Variants in UNC13C observed in about 807,000 individuals in gnomAD.
UNC13C encodes protein unc-13 homolog C.
UNC13C carries 174 observed loss-of-function variants against 245.4 expected under a neutral mutation model. That is an observed-to-expected ratio of 0.71 (90% confidence interval 0.63 to 0.80). The LOEUF is 0.80. UNC13C is among the 30% of genes least tolerant of loss of function. The probability of loss-of-function intolerance (pLI) is 0.00; values close to 1 mark genes in which losing one functional copy is unlikely to be tolerated. For missense variants in UNC13C, 2,829 were observed against 2,602.9 expected (o/e 1.09, Z -1.89); for synonymous variants, 992 against 895.1 (o/e 1.11, Z -1.93).
intron 4 of UNC13C, among the ~76,000 whole-genome samples, chr15:54,186,647 A>T (rs567756370): frequency 6.6e-6 from 1 of 152,016 alleles, no homozygotes; most frequent in African/African-American, 2.4e-5. Context: ...GAAATATTTA[A>T]TTATGAATTG....
rs373472827 is a variant in UNC13C, at chr15:54,599,867, C to A, written c.6107-22460C>A. Among the ~76,000 whole-genome samples, 3 of 152,194 alleles carry A rather than the reference C, an allele frequency of 2.0e-5. No individual in the cohort carries two copies. In the East Asian group the frequency reaches 5.8e-4, roughly 29 times the overall value. On this transcript the variant is annotated intron_variant, in intron 30 of 32. Transcript: ENST00000260323. ...AATAGTTAATGGTCTCCTCACTCTT[C>A]TTTCTCTCGCACCTCTTCCTAACCA...
intron 2 of UNC13C, among the ~76,000 whole-genome samples, chr15:54,114,337 G>T (rs1350365856): frequency 5.3e-5 from 8 of 152,012 alleles, no homozygotes; most frequent in African/African-American, 1.7e-4. Context: ...TTCCTTAGGG[G>T]CAATCACTAT....
chr15:53,875,520 C>G, the UNC13C span, among the ~76,000 whole-genome samples: 1 of 152,018 alleles, frequency 6.6e-6, no homozygotes, highest in Non-Finnish European at 1.5e-5. Context: ...CATATTAGAT[C>G]AGGGGTGAAG....
At chr15:54,182,507 G>C (rs1350803410) in intron 4 of UNC13C, among the ~76,000 whole-genome samples, 1 of 152,002 alleles carries the variant, frequency 6.6e-6, no homozygotes, top group Non-Finnish European at 1.5e-5. Context: ...TTTGGTATCA[G>C]GGTGATGCTG....
chr15:54,051,678 A>T, intron 2 of UNC13C, among the ~76,000 whole-genome samples: 1 of 150,554 alleles, frequency 6.6e-6, no homozygotes. Context: ...TAATCAGGTG[A>T]ATTTATCTGC....
At chr15:54,443,722 T>A (rs1189604172) in intron 19 of UNC13C, among the ~76,000 whole-genome samples, 1 of 152,058 alleles carries the variant, frequency 6.6e-6, no homozygotes, top group Non-Finnish European at 1.5e-5. Context: ...TTCCAATAGG[T>A]CCTCTTTGTA....
chr15:54,014,821 C>A lies in UNC13C; in HGVS notation c.1918C>A (p.Arg640=). Residue 640 remains arginine (R), a synonymous_variant, in exon 2 of 33, where the codon CGG becomes AGG. Transcript: ENST00000260323. ...SNGMVCASGD[R]SHYSDSQLSL... ...TGGCATGGTGTGTGCATCTGGAGAC[C>A]GGAGTCATTACAGTGATTCTCAGCT... 1.9e-6 allele frequency: 3 copies of A among 1,613,764 alleles called. No homozygotes were observed. Among genetic ancestry groups the A allele is most frequent in the Non-Finnish European group, 2.5e-6 (3 of 1,179,806 alleles).
At chr15:54,056,000 A>G (rs1311992719) in intron 2 of UNC13C, among the ~76,000 whole-genome samples, 1 of 152,132 alleles carries the variant, frequency 6.6e-6, no homozygotes, top group Non-Finnish European at 1.5e-5. Context: ...GATTTCTCTG[A>G]TTACAAGAGC....
At chr15:54,550,960 A>G (rs1001481457) in intron 28 of UNC13C, among the ~76,000 whole-genome samples, 1 of 152,320 alleles carries the variant, frequency 6.6e-6, no homozygotes, top group African/African-American at 2.4e-5. Context: ...TAGTAAGCAC[A>G]CTGCATCTCC....
In UNC13C at chr15:54,223,562, GTTTTGT is replaced by G. The variant is rs753733399; in HGVS notation, c.3072-11444_3072-11439del. Among the ~76,000 whole-genome samples, 76 of 151,422 alleles carry G rather than the reference GTTTTGT, an allele frequency of 5.0e-4. 4 individuals carry two copies. Among genetic ancestry groups the G allele is most frequent in the Middle Eastern group, 3.4e-3 (1 of 294 alleles). On this transcript the variant is annotated intron_variant, in intron 4 of 32. Coordinates refer to ENST00000260323, the MANE Select transcript of UNC13C (RefSeq NM_001080534.3). Reference sequence around the variant, plus strand: ...TTTTGTGTTTTTTTGTTGTTTGTATGTTTTGTTTTTGTTTTTGTTTTTGTTTTTGCT... The same window carrying G: ...TTTTGTGTTTTTTTGTTGTTTGTATGTTTTGTTTTTGTTTTTGTTTTTGCT...
At chr15:54,294,911 A>C (rs1041782162) in intron 11 of UNC13C, among the ~76,000 whole-genome samples, 8 of 152,342 alleles carry the variant, frequency 5.3e-5, no homozygotes, top group Admixed American at 4.6e-4. Context: ...TACTTTTAGT[A>C]ATGAAATAAT....
the UNC13C span, among the ~76,000 whole-genome samples, chr15:53,846,600 G>C: frequency 6.6e-6 from 1 of 152,134 alleles, no homozygotes; most frequent in African/African-American, 2.4e-5. Flanking sequence ...TACTCATACA[G>C]CCAAAGCTGA....
chr15:54,264,435 A>G, intron 9 of UNC13C, 40 bp downstream of exon 9: 1 of 1,455,614 alleles, frequency 6.9e-7, no homozygotes, highest in Non-Finnish European at 9.4e-7. Flanking sequence ...TTGTAAATTG[A>G]GATTTTTATG....
chr15:53,908,717 A>G, the UNC13C span, among the ~76,000 whole-genome samples: 6 of 118,980 alleles, frequency 5.0e-5, no homozygotes, highest in African/African-American at 2.0e-4. Flanking sequence ...GCACCACTGC[A>G]CTCCAGTCTG....
chr15:54,133,180 G>A (rs752314075), intron 2 of UNC13C, among the ~76,000 whole-genome samples: 4 of 152,038 alleles, frequency 2.6e-5, no homozygotes, highest in Non-Finnish European at 5.9e-5. Context: ...GATAGATGCT[G>A]GTGAAATATT....
rs548960981 is a variant in UNC13C, at chr15:54,260,953, A to G, written c.3449-3215A>G. Among the ~76,000 whole-genome samples, 7 of 152,178 alleles carry G rather than the reference A, an allele frequency of 4.6e-5. No individual in the cohort carries two copies. The South Asian group carries it at 1.4e-3, about 32-fold the overall frequency. On this transcript the variant is annotated intron_variant, in intron 8 of 32. Coordinates refer to ENST00000260323, the MANE Select transcript of UNC13C (RefSeq NM_001080534.3). The stretch of plus-strand genomic sequence containing the variant: ...GTCTGATAAAAATTAAAGAAAAATG[A>G]GTTCTAGTTAATTGTCCCATTAAAT...
intron 26 of UNC13C, among the ~76,000 whole-genome samples, chr15:54,545,135 A>G (rs1425403638): frequency 6.6e-6 from 1 of 152,200 alleles, no homozygotes; most frequent in Non-Finnish European, 1.5e-5. Flanking sequence ...GGACTCAGAA[A>G]TAACACCACA....
chr15:53,945,778 T>G, the UNC13C span, among the ~76,000 whole-genome samples: 1 of 152,160 alleles, frequency 6.6e-6, no homozygotes, highest in Non-Finnish European at 1.5e-5. Context: ...CCTAGTTATG[T>G]GAATAATATT....
chr15:54,153,581 C>T (rs1277368968), intron 4 of UNC13C, among the ~76,000 whole-genome samples: 1 of 151,980 alleles, frequency 6.6e-6, no homozygotes, highest in African/African-American at 2.4e-5. Context: ...GAAATTGATA[C>T]AATTTTACAC....
Sources: gnomAD v4.1 joint callset for allele counts (sites outside exome capture counted in the v4.1 genomes callset) on GRCh38, gnomAD v4.1.1 for gene constraint, MANE v1.5 for transcripts, NCBI Gene and HGNC (gene_info 2026-07-23, HGNC 2026-07-21) for gene names.